TCERG1L: variants seen among roughly 807,000 people sequenced by gnomAD.
TCERG1L encodes transcription elongation regulator 1 like.
In TCERG1L, 37 loss-of-function variants were observed where a neutral mutation model predicts 56.3. That is an observed-to-expected ratio of 0.66 (90% CI 0.51 to 0.87). The LOEUF (loss-of-function observed/expected upper bound fraction) is 0.87, where lower values mean the gene tolerates loss of function less well. Ranked by LOEUF, TCERG1L falls within the 40% of genes least tolerant of loss-of-function variation. TCERG1L has a pLI of 0.00. For missense variants in TCERG1L, 799 were observed against 774.2 expected (o/e 1.03, Z -0.38); for synonymous variants, 324 against 326.3 (o/e 0.99, Z 0.08).
At chr10:131,275,584 G>T (rs1240909706) in intron 3 of TCERG1L, among the ~76,000 whole-genome samples, 2 of 152,182 alleles carry the variant, frequency 1.3e-5, no homozygotes, top group Non-Finnish European at 2.9e-5. Context: ...CCAGATCAGA[G>T]AGGGAGAGAG....
intron 4 of TCERG1L, among the ~76,000 whole-genome samples, chr10:131,180,421 T>C (rs1036797914): frequency 6.6e-6 from 1 of 152,228 alleles, no homozygotes; most frequent in South Asian, 2.1e-4. Flanking sequence ...ATACAACATA[T>C]ATAGGATATT....
At chr10:131,139,692 G>GTGTGTGTGTGTGTGTGTC (rs1564799634) in intron 7 of TCERG1L, among the ~76,000 whole-genome samples, 1 of 34,060 alleles carries the variant, frequency 2.9e-5, no homozygotes, top group Non-Finnish European at 7.5e-5. Context: ...GTGTGTGTCT[G>GTGTGTGTGTGTGTGTGTC]TGTGTGTGTG....
At chr10:131,172,430 G>A (rs1357772318) in intron 4 of TCERG1L, among the ~76,000 whole-genome samples, 1 of 152,226 alleles carries the variant, frequency 6.6e-6, no homozygotes, top group Non-Finnish European at 1.5e-5. Flanking sequence ...GATGATCTTG[G>A]AACTAGGCAG....
At chr10:131,112,106 T>C (rs1412789586) in intron 9 of TCERG1L, among the ~76,000 whole-genome samples, 2 of 142,052 alleles carry the variant, frequency 1.4e-5, no homozygotes, top group Non-Finnish European at 3.2e-5. Context: ...CCCCTGAGAG[T>C]GGGGGAATGG....
At chr10:131,209,369 C>T (rs995963198) in intron 4 of TCERG1L, among the ~76,000 whole-genome samples, 1 of 152,128 alleles carries the variant, frequency 6.6e-6, no homozygotes, top group African/African-American at 2.4e-5. Flanking sequence ...AAACGTGGAC[C>T]ACGTTTACTG....
At chr10:131,143,579 G>A (rs1381356127) in intron 7 of TCERG1L, among the ~76,000 whole-genome samples, 1 of 152,166 alleles carries the variant, frequency 6.6e-6, no homozygotes, top group Non-Finnish European at 1.5e-5. Context: ...ACAGCCAGAT[G>A]GCAGGGGGGT....
chr10:131,249,854 G>A (rs1016733542), intron 4 of TCERG1L, among the ~76,000 whole-genome samples: 3 of 152,130 alleles, frequency 2.0e-5, no homozygotes, highest in African/African-American at 7.2e-5. Context: ...CACTCCGCCT[G>A]GCAAATAAGA....
chr10:131,272,563 C>T (rs924197666), intron 3 of TCERG1L, among the ~76,000 whole-genome samples: 1 of 152,180 alleles, frequency 6.6e-6, no homozygotes, highest in Non-Finnish European at 1.5e-5. Flanking sequence ...ACCATTCTTT[C>T]CTCCCTACCA....
At chr10:131,245,341 T>C (rs998824421) in intron 4 of TCERG1L, among the ~76,000 whole-genome samples, 1 of 152,210 alleles carries the variant, frequency 6.6e-6, no homozygotes, top group Non-Finnish European at 1.5e-5. Context: ...TTCTCTGAGT[T>C]TGTTTATGAT....
intron 3 of TCERG1L, among the ~76,000 whole-genome samples, chr10:131,279,553 C>G (rs11017859): frequency 6.6e-6 from 1 of 152,132 alleles, no homozygotes; most frequent in Non-Finnish European, 1.5e-5. Flanking sequence ...TGACATCTGG[C>G]GAGACAAGCT....
At chr10:131,216,869 CTA>C (rs1319961509) in intron 4 of TCERG1L, among the ~76,000 whole-genome samples, 1 of 152,166 alleles carries the variant, frequency 6.6e-6, no homozygotes, top group African/African-American at 2.4e-5. Context: ...GAGGAAGAAG[CTA>C]TGTCTCAAGA....
intron 4 of TCERG1L, among the ~76,000 whole-genome samples, chr10:131,256,992 G>GGAAGGAAAGAAAAGAAAGAAAGAAAGAAA (rs1846173015): frequency 1.0e-4 from 6 of 59,214 alleles, no homozygotes; most frequent in African/African-American, 3.3e-4. Context: ...AAGGAAGGAA[G>GGAAGGAAAGAAAAGAAAGAAAGAAAGAAA]GAAAGAAAGA....
intron 4 of TCERG1L, among the ~76,000 whole-genome samples, chr10:131,173,961 G>A (rs1846118613): frequency 6.6e-6 from 1 of 152,176 alleles, no homozygotes; most frequent in Non-Finnish European, 1.5e-5. Flanking sequence ...AAGGAGGGAG[G>A]AGGGTGTGGG....
intron 3 of TCERG1L, among the ~76,000 whole-genome samples, chr10:131,291,807 T>A (rs1219523814): frequency 2.0e-5 from 3 of 151,752 alleles, no homozygotes; most frequent in Admixed American, 6.6e-5. Flanking sequence ...CTTCTCAGAA[T>A]GTTGTCGTTT....
intron 8 of TCERG1L, among the ~76,000 whole-genome samples, chr10:131,117,415 G>A (rs1345329774): frequency 2.6e-5 from 4 of 152,236 alleles, no homozygotes; most frequent in African/African-American, 4.8e-5. Flanking sequence ...AGATAGTTAT[G>A]TGCAGAACCA....
At chr10:131,186,487 G>T (rs1219430635) in intron 4 of TCERG1L, among the ~76,000 whole-genome samples, 1 of 152,174 alleles carries the variant, frequency 6.6e-6, no homozygotes, top group Non-Finnish European at 1.5e-5. Context: ...GAAAAGTTCT[G>T]GGAGCTCCAG....
intron 4 of TCERG1L, among the ~76,000 whole-genome samples, chr10:131,200,081 C>G (rs1310422536): frequency 6.6e-6 from 1 of 152,328 alleles, no homozygotes; most frequent in African/African-American, 2.4e-5. Context: ...TCACCAGGAT[C>G]GTCCTTAATG....
At chr10:131,278,529 G>C (rs996872324) in intron 3 of TCERG1L, among the ~76,000 whole-genome samples, 2 of 151,002 alleles carry the variant, frequency 1.3e-5, no homozygotes, top group African/African-American at 2.4e-5. Context: ...TGTTAGTAGA[G>C]ACAGGGTTTC....
At chr10:131,207,749 A>C (rs1337612503) in intron 4 of TCERG1L, among the ~76,000 whole-genome samples, 1 of 152,192 alleles carries the variant, frequency 6.6e-6, no homozygotes, top group African/African-American at 2.4e-5. Flanking sequence ...CAGATGCGCC[A>C]GGCCCGGGAA....
Sources: allele counts gnomAD v4.1 joint callset (sites outside exome capture counted in the v4.1 genomes callset), GRCh38; gene constraint gnomAD v4.1.1; transcripts MANE v1.5; gene names NCBI Gene and HGNC (gene_info 2026-07-23, HGNC 2026-07-21).